The following ANKRD36C variants were observed in gnomAD, a reference collection of about 807,000 sequenced individuals.
ANKRD36C encodes ankyrin repeat domain 36C.
In ANKRD36C, 61 loss-of-function variants were observed where a neutral mutation model predicts 276.4. The ratio of observed to expected loss-of-function variants is 0.22; its 90% CI spans 0.18 to 0.27. The LOEUF (loss-of-function observed/expected upper bound fraction) is 0.27, where lower values mean the gene tolerates loss of function less well. Among genes scored for constraint, ANKRD36C ranks in the 10% least tolerant of loss-of-function variants. The probability of loss-of-function intolerance (pLI) is 1.00; values close to 1 mark genes in which losing one functional copy is unlikely to be tolerated. For synonymous variants in ANKRD36C, 483 were observed against 680.1 expected (o/e 0.71, Z 4.51); for missense variants, 1,447 against 2,032.3 (o/e 0.71, Z 5.54).
In ANKRD36C at chr2:95,970,140, T is replaced by C. The variant is rs1380164164; in HGVS notation, c.800-7593A>G. ...TCTATGAAAACTGTACTCTGTTCTATGGCAAAACACAGGATACAGAGCAGG... is the reference window on the plus strand; with the variant it reads ...TCTATGAAAACTGTACTCTGTTCTACGGCAAAACACAGGATACAGAGCAGG... On this transcript the variant is annotated intron_variant, in intron 6 of 66. Coordinates refer to ENST00000456556, the Ensembl canonical transcript of ANKRD36C. Among the ~76,000 whole-genome samples, 5 of 152,310 alleles carry C rather than the reference T, an allele frequency of 3.3e-5. No homozygotes were observed. The East Asian group carries it at 5.8e-4, about 18-fold the overall frequency.
intron 44 of ANKRD36C, chr2:95,897,445 C>T (rs1676586595): frequency 6.5e-7 from 1 of 1,536,594 alleles, no homozygotes; most frequent in Non-Finnish European, 8.8e-7. Flanking sequence ...ACCTTCAAGC[C>T]TGGTGGTTGC....
At chr2:95,897,089 C>T (rs962363369) in intron 44 of ANKRD36C, among the ~76,000 whole-genome samples, 181 bp downstream of exon 60, 3 of 150,282 alleles carry the variant, frequency 2.0e-5, no homozygotes, top group East Asian at 3.9e-4. Context: ...AATCTTACGG[C>T]GAAGATCACG....
intron 1 of ANKRD36C, among the ~76,000 whole-genome samples, chr2:95,990,404 T>C (rs968579662): frequency 2.6e-5 from 4 of 152,174 alleles, no homozygotes; most frequent in African/African-American, 9.7e-5. Context: ...TTCTTACACA[T>C]ATTGGTGTGT....
chr2:95,849,108 G>A (rs1361569447), downstream of ANKRD36C, among the ~76,000 whole-genome samples: 4 of 152,034 alleles, frequency 2.6e-5, no homozygotes, highest in African/African-American at 9.7e-5. Flanking sequence ...TGCTCAGGCT[G>A]GAGTGCAGTG....
intron 59 of ANKRD36C, among the ~76,000 whole-genome samples, chr2:95,874,896 A>G (rs1303825886): frequency 3.3e-5 from 5 of 152,268 alleles, no homozygotes; most frequent in Non-Finnish European, 7.3e-5. Flanking sequence ...TCTCAAAAGA[A>G]GACATTTATG....
intron 32 of ANKRD36C, among the ~76,000 whole-genome samples, chr2:95,922,559 T>C (rs895952512): frequency 6.6e-6 from 1 of 151,614 alleles, no homozygotes; most frequent in Non-Finnish European, 1.5e-5. Context: ...GCTAAAAGCA[T>C]TGGATATTGA....
At chr2:95,944,016 T>A (rs7578652) in intron 19 of ANKRD36C, among the ~76,000 whole-genome samples, 4 of 152,244 alleles carry the variant, frequency 2.6e-5, no homozygotes, top group African/African-American at 9.6e-5. Flanking sequence ...TAAAACAGAA[T>A]GTTAAATATA....
chr2:95,851,042 G>A (rs375258740), downstream of ANKRD36C: 59 of 671,652 alleles, frequency 8.8e-5, no homozygotes, highest in Middle Eastern at 1.6e-3. Context: ...CTAGATGTGT[G>A]TAAGAAAAAA....
chr2:95,989,410 T>G (rs1348108402), intron 1 of ANKRD36C, among the ~76,000 whole-genome samples: 1 of 152,142 alleles, frequency 6.6e-6, no homozygotes, highest in Non-Finnish European at 1.5e-5. Flanking sequence ...ACAAACACCA[T>G]AGATTGTTTG....
intron 8 of ANKRD36C, among the ~76,000 whole-genome samples, chr2:95,961,011 C>G (rs935302824): frequency 6.6e-6 from 1 of 151,954 alleles, no homozygotes; most frequent in Non-Finnish European, 1.5e-5. Flanking sequence ...GAATCAATGT[C>G]GAAGCAGGTG....
intron 64 of ANKRD36C, chr2:95,852,679 A>G (rs560637977): frequency 6.5e-6 from 1 of 152,722 alleles, no homozygotes; most frequent in East Asian, 1.9e-4. Flanking sequence ...CACATCAACT[A>G]TAATTTTATT....
chr2:95,892,283 A>G (rs146880739), intron 44 of ANKRD36C, among the ~76,000 whole-genome samples: 29 of 151,632 alleles, frequency 1.9e-4, no homozygotes, highest in African/African-American at 5.1e-4. Flanking sequence ...AACATTCATC[A>G]TGCTCTTTAA....
At chr2:95,858,662 G>A (rs2463581) in intron 61 of ANKRD36C, among the ~76,000 whole-genome samples, 20 of 152,020 alleles carry the variant, frequency 1.3e-4, no homozygotes, top group South Asian at 4.1e-4. Flanking sequence ...ATTCATTGCA[G>A]GTATCCCTAA....
At chr2:95,890,712 T>G (rs1216335881) in intron 46 of ANKRD36C, among the ~76,000 whole-genome samples, 1 of 151,580 alleles carries the variant, frequency 6.6e-6, no homozygotes, top group East Asian at 1.9e-4. Context: ...GACATAATTC[T>G]TCAAAGTAAA....
At chr2:95,913,372 G>A (rs1354416687) in intron 40 of ANKRD36C, among the ~76,000 whole-genome samples, 17 of 151,296 alleles carry the variant, frequency 1.1e-4, no homozygotes, top group East Asian at 3.9e-4. Flanking sequence ...GAACAAGGAA[G>A]CAAATTTATT....
intron 58 of ANKRD36C, among the ~76,000 whole-genome samples, 195 bp downstream of exon 78, chr2:95,880,232 T>A (rs576011739): frequency 9.8e-5 from 15 of 152,336 alleles, no homozygotes; most frequent in Non-Finnish European, 1.5e-4. Context: ...AAAAACCTTA[T>A]GTTTTAAAAA....
intron 17 of ANKRD36C, among the ~76,000 whole-genome samples, chr2:95,946,153 GAGGA>G (rs2104474400): frequency 3.0e-5 from 1 of 32,788 alleles, no homozygotes; most frequent in African/African-American, 1.0e-4. Flanking sequence ...GAGACAGAGA[GAGGA>G]AAAAAAAAAA....
chr2:95,946,903 T>C (rs1449455178), intron 17 of ANKRD36C, among the ~76,000 whole-genome samples: 1 of 148,234 alleles, frequency 6.7e-6, no homozygotes, highest in Non-Finnish European at 1.5e-5. Flanking sequence ...CTCTGGGGAC[T>C]GTTGTGGGGT....
chr2:95,930,648 T>G (rs1573776380), intron 24 of ANKRD36C, among the ~76,000 whole-genome samples: 1 of 151,406 alleles, frequency 6.6e-6, no homozygotes. Flanking sequence ...CAATATGACA[T>G]AATACATATA....
Sources: gnomAD v4.1 joint callset for allele counts (sites outside exome capture counted in the v4.1 genomes callset) on GRCh38, gnomAD v4.1.1 for gene constraint, MANE v1.5 for transcripts, NCBI Gene and HGNC (gene_info 2026-07-23, HGNC 2026-07-21) for gene names.